TAP1: variants seen among roughly 807,000 people sequenced by gnomAD.
The protein encoded by TAP1 is transporter 1, ATP binding cassette subfamily B member, also known as antigen peptide transporter 1.
TAP1 carries 56 observed loss-of-function variants against 79.3 expected under a neutral mutation model. That is an observed-to-expected ratio of 0.71 (90% CI 0.57 to 0.88). The LOEUF is 0.88. Ranked by LOEUF, TAP1 falls within the 40% of genes least tolerant of loss-of-function variation. The probability of loss-of-function intolerance (pLI) is 0.00; values close to 1 mark genes in which losing one functional copy is unlikely to be tolerated. For missense variants in TAP1, 737 were observed against 936.3 expected (o/e 0.79, Z 2.78); for synonymous variants, 355 against 401.4 (o/e 0.88, Z 1.38).
At position 32,847,580 on chromosome 6, in the gene TAP1, G is replaced by A. The variant is rs1770512950; in HGVS notation, c.1836C>T (p.Ile612=). The change falls in exon 9 of 11, where the codon ATC becomes ATT. Residue 612 remains isoleucine, a synonymous_variant. Coordinates refer to ENST00000354258, the MANE Select transcript of TAP1 (RefSeq NM_000593.6). This position sits in a 1 kb window ranked among gnomAD's most constrained non-coding sequence, Gnocchi z 4.7. The part of the protein sequence containing the change: ...GLTQKPTMEE[I]TAAAVKSGAH... ...CCCCAGACTTTACTGCAGCAGCTGTGATTTCCTCCATAGTTGGCTTCTGGG... is the reference window on the plus strand; with the variant it reads ...CCCCAGACTTTACTGCAGCAGCTGTAATTTCCTCCATAGTTGGCTTCTGGG... 1 of 1,613,890 alleles carries A rather than the reference G, an allele frequency of 6.2e-7. No individual in the cohort carries two copies. The highest frequency in any genetic ancestry group is 1.3e-5 in the African/African-American group (1 of 74,864).
In TAP1 at chr6:32,852,959, A is replaced by C. The variant is rs1274973431; in HGVS notation, c.598+80T>G. 3.9e-6 allele frequency: 6 copies of C among 1,528,168 alleles called. No homozygotes were observed. The highest frequency in any genetic ancestry group is 5.3e-6 in the Non-Finnish European group (6 of 1,141,592). 94.7% of individuals were successfully genotyped at this position (1,528,168 alleles called of 1,614,324 possible). On this transcript the variant is annotated intron_variant, in intron 1 of 10. Transcript: ENST00000354258. This position sits in a 1 kb window ranked among gnomAD's most constrained non-coding sequence, Gnocchi z 4.8. ...CTCCACATTTCCCAGAACCCACGCT[A>C]CTCTACCTTACTGACAATTACCTTT...
chr6:32,851,694 C>G lies in TAP1; in HGVS notation c.844+415G>C, dbSNP rs1324883069. On this transcript the variant is annotated intron_variant, in intron 3 of 10. Transcript: ENST00000354258. The surrounding 1 kb of genome is among the most constrained non-coding windows in gnomAD (Gnocchi z 4.8). ...GCCATATGTAACTGTGCAGTTTCAG[C>G]ATTTAGGGTCTTGGCCTCAGTTTCC... Among the ~76,000 whole-genome samples, 1 of 152,180 alleles carries G rather than the reference C, an allele frequency of 6.6e-6. No homozygotes were observed. The highest frequency in any genetic ancestry group is 1.5e-5 in the Non-Finnish European group (1 of 68,036).
In TAP1 at chr6:32,847,198, T is replaced by C. The variant is rs1135216; in HGVS notation, c.1910A>G (p.Asp637Gly). 240,535 of 1,611,520 alleles carry C rather than the reference T, an allele frequency of 0.15. 18,910 individuals are homozygous for C. The highest frequency in any genetic ancestry group is 0.23 in the African/African-American group (17,584 of 74,978). ...GLPQGYDTEV[D>G]EAGSQLSGGQ... ...CCCTGACAGCTGGCTCCCAGCCTCG[T>C]CTACCTCTGCAGAGCAAAGGGCCAA... is the stretch of plus-strand genomic sequence containing the variant. The change falls in exon 10 of 11, where the codon GAC (aspartate) becomes GGC (glycine). Residue 637 changes from aspartate (D) to glycine (G), a missense_variant. Physicochemically the swap from Asp to Gly is moderately conservative, Grantham distance 94 (BLOSUM62 -1). Around this residue, in one of 5 missense-constraint regions of TAP1, gnomAD observed 266 missense variants for 332.4 expected, o/e 0.80. Coordinates refer to ENST00000354258, the MANE Select transcript of TAP1 (RefSeq NM_000593.6). This position sits in a 1 kb window ranked among gnomAD's most constrained non-coding sequence, Gnocchi z 4.7.
chr6:32,848,581 G>A, intron 7 of TAP1, 71 bp downstream of exon 7: 5 of 1,534,574 alleles, frequency 3.3e-6, no homozygotes, highest in Admixed American at 1.7e-5. Flanking sequence ...GCAGGCTGAA[G>A]GCAGGAAGAA....
In TAP1 at chr6:32,850,316, T is replaced by G. The variant is rs762614893; in HGVS notation, c.1248+4A>C. On this transcript the variant is annotated splice_donor_region_variant and intron_variant, in intron 5 of 10. Transcript: ENST00000354258. The surrounding 1 kb of genome is among the most constrained non-coding windows in gnomAD (Gnocchi z 5.5). ...GGAATGGGTATTCATCTTCAGGTGC[T>G]CACACTAGTGGTCCAGGAGTTGACT... 4 of 1,614,194 alleles carry G rather than the reference T, an allele frequency of 2.5e-6. No individual in the cohort carries two copies. The Admixed American group carries it at 6.7e-5, about 27-fold the overall frequency.
Position 32,848,970 on chromosome 6 carries a change from T to C in TAP1, c.1377+20A>G. The C allele has an allele frequency of 5.0e-6, 8 of 1,612,002 alleles. No individual in the cohort carries two copies. The highest frequency in any genetic ancestry group is 1.3e-5 in the African/African-American group (1 of 74,682). ...CAGAGGAAGGAATCACACTGGGGAG[T>C]GAAGGTGGAGGGACCTCACCTCCAC... On this transcript the variant is annotated intron_variant, in intron 6 of 10. Coordinates refer to ENST00000354258, the MANE Select transcript of TAP1 (RefSeq NM_000593.6).
chr6:32,851,153 C>A lies in TAP1; in HGVS notation c.845-4G>T, dbSNP rs1411643465. The A allele has an allele frequency of 6.2e-7, 1 of 1,612,680 alleles. No homozygotes were observed. On this transcript the variant is annotated splice_region_variant and splice_polypyrimidine_tract_variant and intron_variant, in intron 3 of 10. Coordinates refer to ENST00000354258, the MANE Select transcript of TAP1 (RefSeq NM_000593.6). This position sits in a 1 kb window ranked among gnomAD's most constrained non-coding sequence, Gnocchi z 4.8. ...GTTACCCGAGACATGATGTTACCTG[C>A]AGGGTTGGGGAGAAGAGAGTGAGGT...
chr6:32,848,137 A>G (rs774248579), intron 7 of TAP1, 45 bp from the exon 8 acceptor site: 2 of 1,556,104 alleles, frequency 1.3e-6, no homozygotes, highest in South Asian at 2.3e-5. Flanking sequence ...CAAGGCCTCT[A>G]ACCTTGAGAG....
rs536640646 is a variant in TAP1, at chr6:32,849,056, C to T, written c.1311G>A (p.Gly437=). 6.2e-7 allele frequency: 1 copy of T among 1,602,842 alleles called. No homozygotes were observed. The highest frequency in any genetic ancestry group is 2.2e-5 in the East Asian group (1 of 44,616). The change falls in exon 6 of 11, where the codon GGG becomes GGA. Residue 437 remains glycine (G), a synonymous_variant. Transcript: ENST00000354258. ...TGACAAGGTTCCCACTGCTTACAGCCCCACTGGTCACCAGCTGCCCACCAA... is the reference window on the plus strand; with the variant it reads ...TGACAAGGTTCCCACTGCTTACAGCTCCACTGGTCACCAGCTGCCCACCAA... ...LYIGGQLVTS[G]AVSSGNLVTF...
rs748721801 is a variant in TAP1, at chr6:32,847,873, C to T, written c.1740+46G>A. The T allele has an allele frequency of 4.3e-6, 7 of 1,612,384 alleles. No individual in the cohort carries two copies. The highest frequency in any genetic ancestry group is 1.7e-4 in the Middle Eastern group (1 of 6,060). On this transcript the variant is annotated intron_variant, in intron 8 of 10. Transcript: ENST00000354258. The surrounding 1 kb of genome is among the most constrained non-coding windows in gnomAD (Gnocchi z 4.7). ...CAGAGTGCTCAGTAAGAATGCTCTT[C>T]GTATTTGATGCTCCCTGCCCTCCTT...
Position 32,853,477 on chromosome 6 carries a change from G to A in TAP1, c.160C>T (p.Leu54=), listed in dbSNP as rs777874116. 1.2e-5 allele frequency: 19 copies of A among 1,610,114 alleles called. No homozygotes were observed. Among genetic ancestry groups the A allele is most frequent in the Non-Finnish European group, 1.6e-5 (19 of 1,178,092 alleles). ...FSLLVPTALP[L]LRVWAVGLSR... ...AGGCCCACCGCCCAGACCCGGAGCA[G>A]TGGCAGCGCGGTGGGCACCAGCAGG... The change falls in exon 1 of 11, where the codon CTG becomes TTG. Residue 54 remains leucine (L), a synonymous_variant. Transcript: ENST00000354258. The surrounding 1 kb of genome is among the most constrained non-coding windows in gnomAD (Gnocchi z 8.3).
In TAP1 at chr6:32,850,413, G is replaced by A. The variant is rs139907578; in HGVS notation, c.1155C>T (p.Gly385=). 6.0e-5 allele frequency: 97 copies of A among 1,614,198 alleles called. 1 individual carries two copies. In the East Asian group the frequency reaches 7.4e-4, roughly 12 times the overall value. The change falls in exon 5 of 11, where the codon GGC becomes GGT. Residue 385 remains glycine, a synonymous_variant. Transcript: ENST00000354258. The surrounding 1 kb of genome is among the most constrained non-coding windows in gnomAD (Gnocchi z 5.5). ...PTVRSFANEE[G]EAQKFREKLQ... ...GCTTTTCCCTAAACTTCTGGGCTTC[G>A]CCCTCCTCGTTGGCAAAGCTTCGAA... is the stretch of plus-strand genomic sequence containing the variant.
chr6:32,850,669 GA>G lies in TAP1; in HGVS notation c.1051-153del. 1 of 783,362 alleles carries G rather than the reference GA, an allele frequency of 1.3e-6. No homozygotes were observed. Among genetic ancestry groups the G allele is most frequent in the South Asian group, 1.5e-5 (1 of 67,086 alleles). The allele number at this position is 783,362 out of a possible 1,614,324, so 48.5% of individuals were successfully genotyped here. On this transcript the variant is annotated intron_variant, in intron 4 of 10. Coordinates refer to ENST00000354258, the MANE Select transcript of TAP1 (RefSeq NM_000593.6). The surrounding 1 kb of genome is among the most constrained non-coding windows in gnomAD (Gnocchi z 5.5). ...ACAGCTATGCCCCTTGGATGCTAAA[GA>G]AATACGAGGAAGAGGAAAATGACTC...
rs779844691 is a variant in TAP1 at position 32,850,448 on chromosome 6, T to A, written c.1120A>T (p.Met374Leu). The change falls in exon 5 of 11, where the codon ATG becomes TTG. Residue 374 changes from methionine to leucine, a missense_variant. Coordinates refer to ENST00000354258, the MANE Select transcript of TAP1 (RefSeq NM_000593.6). The surrounding 1 kb of genome is among the most constrained non-coding windows in gnomAD (Gnocchi z 5.5). ...TTGGCAAAGCTTCGAACTGTAGGCA[T>A]GGCCGACAGAGCCTCAATGGCCACC... is the stretch of plus-strand genomic sequence containing the variant. ...SQVAIEALSA[M>L]PTVRSFANEE... 14 of 1,614,248 alleles carry A rather than the reference T, an allele frequency of 8.7e-6. No individual in the cohort carries two copies. Among genetic ancestry groups the A allele is most frequent in the Non-Finnish European group, 1.1e-5 (13 of 1,180,046 alleles).
chr6:32,851,185 G>T lies in TAP1; in HGVS notation c.845-36C>A. On this transcript the variant is annotated intron_variant, in intron 3 of 10. Transcript: ENST00000354258. This position sits in a 1 kb window ranked among gnomAD's most constrained non-coding sequence, Gnocchi z 4.8. The stretch of plus-strand genomic sequence containing the variant: ...GGGGAGAAGAGAGTGAGGTGAATCA[G>T]ACAGGTTCCAAGTGATGAGACGAAC... The T allele has an allele frequency of 6.2e-7, 1 of 1,602,212 alleles. No homozygotes were observed. Among genetic ancestry groups the T allele is most frequent in the Non-Finnish European group, 8.5e-7 (1 of 1,171,614 alleles).
At position 32,852,372 on chromosome 6, in the gene TAP1, T is replaced by A; in HGVS notation, c.713+16A>T. ...ACTCCCTCATTTGCAGGGTGCCCCATTTTCAGCCCCCAGACCTGGCTATGG... is the reference window on the plus strand; with the variant it reads ...ACTCCCTCATTTGCAGGGTGCCCCAATTTCAGCCCCCAGACCTGGCTATGG... On this transcript the variant is annotated intron_variant, in intron 2 of 10. Coordinates refer to ENST00000354258, the MANE Select transcript of TAP1 (RefSeq NM_000593.6). This position sits in a 1 kb window ranked among gnomAD's most constrained non-coding sequence, Gnocchi z 4.8. 1.2e-6 allele frequency: 2 copies of A among 1,612,976 alleles called. No homozygotes were observed. The highest frequency in any genetic ancestry group is 2.2e-5 in the South Asian group (2 of 91,072).
At position 32,845,770 on chromosome 6, in the gene TAP1, A is replaced by T; in HGVS notation, c.2056T>A (p.Tyr686Asn). Residue 686 changes from tyrosine (Y) to asparagine (N), a missense_variant, in exon 11 of 11, where the codon TAC becomes AAC. Coordinates refer to ENST00000354258, the MANE Select transcript of TAP1 (RefSeq NM_000593.6). This position sits in a 1 kb window ranked among gnomAD's most constrained non-coding sequence, Gnocchi z 4.5. ...NSQLQVEQLL[Y>N]ESPERYSRSV... ...CGGGAGTACCGCTCAGGGCTTTCGTACAGGAGCTGCTCCACCTGAGGAAAG... is the reference window on the plus strand; with the variant it reads ...CGGGAGTACCGCTCAGGGCTTTCGTTCAGGAGCTGCTCCACCTGAGGAAAG... 1 of 1,612,046 alleles carries T rather than the reference A, an allele frequency of 6.2e-7. No homozygotes were observed. Among genetic ancestry groups the T allele is most frequent in the South Asian group, 1.1e-5 (1 of 91,054 alleles).
At position 32,853,090 on chromosome 6, in the gene TAP1, C is replaced by G. The variant is rs774608669; in HGVS notation, c.547G>C (p.Glu183Gln). The G allele has an allele frequency of 5.6e-6, 9 of 1,612,534 alleles. No individual in the cohort carries two copies. Among genetic ancestry groups the G allele is most frequent in the Admixed American group, 1.7e-5 (1 of 60,010 alleles). Residue 183 changes from glutamate to glutamine, a missense_variant, in exon 1 of 11, where the codon GAG (glutamate) becomes CAG (glutamine). Coordinates refer to ENST00000354258, the MANE Select transcript of TAP1 (RefSeq NM_000593.6). The surrounding 1 kb of genome is among the most constrained non-coding windows in gnomAD (Gnocchi z 8.3). The stretch of plus-strand genomic sequence containing the variant: ...AGGAACAGCGAGAGGCGGCGCGTCT[C>G]CGAGCCCAGGCAGCCTAGAAGCCGA... ...VRRLLGCLGS[E>Q]TRRLSLFLVL...
In TAP1 at chr6:32,847,981, C is replaced by T. The variant is rs147741317; in HGVS notation, c.1678G>A (p.Gly560Arg). Residue 560 changes from glycine (G) to arginine (R), a missense_variant, in exon 8 of 11, where the codon GGA (glycine) becomes AGA (arginine). Transcript: ENST00000354258. This position sits in a 1 kb window ranked among gnomAD's most constrained non-coding sequence, Gnocchi z 4.7. ...GGCTTCCCATCCAACAGCAGCTGTC[C>T]CCCGGTGGGCTGGTACAGATTCTGC... ...LLQNLYQPTG[G>R]QLLLDGKPLP... 18 of 1,613,000 alleles carry T rather than the reference C, an allele frequency of 1.1e-5. No homozygotes were observed. The highest frequency in any genetic ancestry group is 1.6e-4 in the Middle Eastern group (1 of 6,084).
Sources: allele counts gnomAD v4.1 joint callset (sites outside exome capture counted in the v4.1 genomes callset), GRCh38; gene constraint gnomAD v4.1.1; regional missense constraint gnomAD v4.1.1; non-coding constraint Gnocchi (gnomAD v3.1); transcripts MANE v1.5; gene names NCBI Gene and HGNC (gene_info 2026-07-23, HGNC 2026-07-21).